DRC11: variants seen among roughly 807,000 people sequenced by gnomAD.
DRC11 encodes the protein dynein regulatory complex subunit 11.
At chr2:236,357,473 T>C in the DRC11 span, among the ~76,000 whole-genome samples, 2 of 127,190 alleles carry the variant, frequency 1.6e-5, no homozygotes, top group Non-Finnish European at 3.1e-5. Context: ...ACATATTACA[T>C]GTATATTTAT....
the DRC11 span, among the ~76,000 whole-genome samples, chr2:236,317,822 T>A: frequency 6.6e-6 from 1 of 152,222 alleles, no homozygotes. This position sits in a 1 kb window ranked among gnomAD's most constrained non-coding sequence, Gnocchi z 5.4. Context: ...GCCCCTGGCA[T>A]GTGGAGTGCC....
At chr2:236,363,865 T>G in the DRC11 span, 1 of 1,613,926 alleles carries the variant, frequency 6.2e-7, no homozygotes, top group Non-Finnish European at 8.5e-7. This position sits in a 1 kb window ranked among gnomAD's most constrained non-coding sequence, Gnocchi z 5.6. Flanking sequence ...GTTGAAGAGG[T>G]TGGCTCCCGT....
the DRC11 span, among the ~76,000 whole-genome samples, chr2:236,309,350 TC>T: frequency 6.6e-6 from 1 of 152,052 alleles, no homozygotes; most frequent in Admixed American, 6.5e-5. This position sits in a 1 kb window ranked among gnomAD's most constrained non-coding sequence, Gnocchi z 5.7. Context: ...TAATTACCCT[TC>T]CTTCCCTTTC....
the DRC11 span, among the ~76,000 whole-genome samples, chr2:236,321,934 C>T: frequency 3.9e-5 from 6 of 152,154 alleles, no homozygotes; most frequent in Admixed American, 1.3e-4. Flanking sequence ...TAAGTACATT[C>T]CTTTCCCTTT....
the DRC11 span, chr2:236,331,276 A>G: frequency 9.8e-7 from 1 of 1,016,370 alleles, no homozygotes; most frequent in Non-Finnish European, 1.5e-6. The surrounding 1 kb of genome is among the most constrained non-coding windows in gnomAD (Gnocchi z 4.8). Flanking sequence ...GTTCCAATTC[A>G]CGAAACCCAC....
At chr2:236,377,267 G>T in the DRC11 span, 1 of 801,442 alleles carries the variant, frequency 1.2e-6, no homozygotes, top group Non-Finnish European at 2.1e-6. The surrounding 1 kb of genome is among the most constrained non-coding windows in gnomAD (Gnocchi z 4.9). Context: ...CATACGCGGA[G>T]AACTTAAACC....
At chr2:236,380,959 G>A in the DRC11 span, among the ~76,000 whole-genome samples, 1 of 152,202 alleles carries the variant, frequency 6.6e-6, no homozygotes, top group Non-Finnish European at 1.5e-5. This position sits in a 1 kb window ranked among gnomAD's most constrained non-coding sequence, Gnocchi z 4.9. Context: ...AGTGCCGTGT[G>A]CACATACAGG....
chr2:236,314,552 C>T, the DRC11 span, among the ~76,000 whole-genome samples: 74 of 152,222 alleles, frequency 4.9e-4, no homozygotes, highest in African/African-American at 1.7e-3. The surrounding 1 kb of genome is among the most constrained non-coding windows in gnomAD (Gnocchi z 4.5). Context: ...TGCCTATGGA[C>T]GTTTAAAAAC....
the DRC11 span, among the ~76,000 whole-genome samples, chr2:236,404,010 C>T: frequency 2.6e-5 from 4 of 151,954 alleles, no homozygotes; most frequent in African/African-American, 9.7e-5. Flanking sequence ...GATCCCATCC[C>T]ACCACTGTGG....
At chr2:236,338,235 C>T in the DRC11 span, 3 of 1,613,812 alleles carry the variant, frequency 1.9e-6, no homozygotes, top group East Asian at 2.2e-5. Context: ...GGTCTGGGCA[C>T]CAAAATAATT....
the DRC11 span, among the ~76,000 whole-genome samples, chr2:236,358,380 T>C: frequency 2.2e-5 from 3 of 135,366 alleles, no homozygotes; most frequent in Non-Finnish European, 4.7e-5. Context: ...TAGATATATA[T>C]TTATGATATA....
At chr2:236,370,511 T>C in the DRC11 span, among the ~76,000 whole-genome samples, 1 of 151,548 alleles carries the variant, frequency 6.6e-6, no homozygotes, top group Non-Finnish European at 1.5e-5. The surrounding 1 kb of genome is among the most constrained non-coding windows in gnomAD (Gnocchi z 5.5). Flanking sequence ...GCCCTGGAGG[T>C]CTGGGGGGCC....
At chr2:236,504,202 G>T in the DRC11 span, among the ~76,000 whole-genome samples, 17 of 123,482 alleles carry the variant, frequency 1.4e-4, no homozygotes, top group East Asian at 5.4e-4. This position sits in a 1 kb window ranked among gnomAD's most constrained non-coding sequence, Gnocchi z 5.0. Context: ...ACGGCGGTGG[G>T]GGGGGGCGTT....
At chr2:236,322,975 TA>T in the DRC11 span, among the ~76,000 whole-genome samples, 1 of 152,226 alleles carries the variant, frequency 6.6e-6, no homozygotes, top group Non-Finnish European at 1.5e-5. Context: ...CTCTAAAGCA[TA>T]AGTATCAAGT....
chr2:236,322,044 A>G, the DRC11 span, among the ~76,000 whole-genome samples: 1 of 152,098 alleles, frequency 6.6e-6, no homozygotes, highest in African/African-American at 2.4e-5. Context: ...CTCCCAGATA[A>G]GTGAGGCAAA....
the DRC11 span, chr2:236,407,879 C>T: frequency 1.0e-5 from 4 of 397,442 alleles, no homozygotes; most frequent in Non-Finnish European, 2.0e-5. Context: ...TTTGGTCTTT[C>T]TTGAGTGGTT....
At chr2:236,439,283 G>GT in the DRC11 span, among the ~76,000 whole-genome samples, 9 of 152,200 alleles carry the variant, frequency 5.9e-5, no homozygotes, top group East Asian at 1.4e-3. Flanking sequence ...TCCAGGAGCT[G>GT]TTTTTTTGAA....
chr2:236,504,359 T>C, the DRC11 span, among the ~76,000 whole-genome samples: 3 of 152,336 alleles, frequency 2.0e-5, no homozygotes, highest in South Asian at 6.2e-4. This position sits in a 1 kb window ranked among gnomAD's most constrained non-coding sequence, Gnocchi z 5.0. Flanking sequence ...CCATTGACAC[T>C]TGGGTTGTTT....
chr2:236,383,692 T>A, the DRC11 span, among the ~76,000 whole-genome samples: 1 of 152,060 alleles, frequency 6.6e-6, no homozygotes, highest in Non-Finnish European at 1.5e-5. Flanking sequence ...ACTTTAAGTT[T>A]TAGGGTACAT....
Sources: allele counts gnomAD v4.1 joint callset (sites outside exome capture counted in the v4.1 genomes callset), GRCh38; gene constraint gnomAD v4.1.1; non-coding constraint Gnocchi (gnomAD v3.1); transcripts MANE v1.5; gene names NCBI Gene and HGNC (gene_info 2026-07-23, HGNC 2026-07-21).